The following RSPO2 variants were observed in gnomAD, a reference collection of about 807,000 sequenced individuals.
RSPO2 encodes R-spondin 2.
In RSPO2, 14 loss-of-function variants were observed where a neutral mutation model predicts 30.9. That is an observed-to-expected ratio of 0.45 (90% CI 0.30 to 0.71). RSPO2 has a LOEUF of 0.71. Among genes scored for constraint, RSPO2 ranks in the 30% least tolerant of loss-of-function variants. The probability of loss-of-function intolerance (pLI) is 0.08; values close to 1 mark genes in which losing one functional copy is unlikely to be tolerated. For synonymous variants in RSPO2, 107 were observed against 96.4 expected (o/e 1.11, Z -0.64); for missense variants, 264 against 301.9 (o/e 0.87, Z 0.93).
chr8:108,033,184 A>G (rs1296930898), intron 2 of RSPO2, among the ~76,000 whole-genome samples: 1 of 152,074 alleles, frequency 6.6e-6, no homozygotes, highest in Non-Finnish European at 1.5e-5. Flanking sequence ...TACAAGTGTA[A>G]GCCACCGTGC....
At chr8:108,000,802 T>C (rs991748392) in intron 2 of RSPO2, among the ~76,000 whole-genome samples, 37 of 152,070 alleles carry the variant, frequency 2.4e-4, no homozygotes, top group African/African-American at 8.2e-4. Context: ...GAGATTGAGA[T>C]GATCCTGGCT....
At chr8:107,973,221 G>C (rs1383591771) in intron 3 of RSPO2, among the ~76,000 whole-genome samples, 1 of 150,428 alleles carries the variant, frequency 6.6e-6, no homozygotes, top group Admixed American at 6.6e-5. Flanking sequence ...AGTGAGCCGA[G>C]ATCACGCCAC....
Position 108,083,207 on chromosome 8 carries a change from T to A in RSPO2, c.-180A>T, listed in dbSNP as rs879938778. 2.0e-5 allele frequency: 3 copies of A among 152,246 alleles called. No homozygotes were observed. The highest frequency in any genetic ancestry group is 6.5e-5 in the Admixed American group (1 of 15,282). 9.4% of individuals were successfully genotyped at this position (152,246 alleles called of 1,614,324 possible). A position where few individuals can be genotyped will look rare whatever the true frequency, so the allele number is the denominator to read the frequency against. ...GTGTGGGTTGCCTACCGTGCGCACGTCTCGGGCGGCGCGGCCTCCCTAGGC... is the reference window on the plus strand; with the variant it reads ...GTGTGGGTTGCCTACCGTGCGCACGACTCGGGCGGCGCGGCCTCCCTAGGC... On this transcript the variant is annotated 5_prime_UTR_variant, in exon 1 of 6. Transcript: ENST00000276659.
At chr8:107,948,100 C>G (rs1451992435) in intron 5 of RSPO2, among the ~76,000 whole-genome samples, 2 of 152,232 alleles carry the variant, frequency 1.3e-5, no homozygotes, top group Non-Finnish European at 2.9e-5. Context: ...GAGCCTGTAA[C>G]AATGTCATCT....
chr8:107,975,684 C>A (rs940714287), intron 3 of RSPO2, among the ~76,000 whole-genome samples: 24 of 152,216 alleles, frequency 1.6e-4, no homozygotes, highest in African/African-American at 5.8e-4. Context: ...TTATGAGATG[C>A]CAAGGCCTTG....
intron 2 of RSPO2, among the ~76,000 whole-genome samples, chr8:107,991,235 G>A (rs942053834): frequency 3.4e-5 from 5 of 146,500 alleles, no homozygotes; most frequent in African/African-American, 7.8e-5. Flanking sequence ...CAACAGGAGT[G>A]AAACTCCATC....
rs545535341 is a variant in RSPO2 at position 107,948,156 on chromosome 8, T to C, written c.616+9924A>G. 2.6e-5 allele frequency among the ~76,000 whole-genome samples: 4 copies of C among 152,366 alleles called. No homozygotes were observed. The East Asian group carries it at 7.7e-4, about 29-fold the overall frequency. The stretch of plus-strand genomic sequence containing the variant: ...TAAAAATTAAGCTTTGCCTTTTATC[T>C]TTAATGTGCATTTTCTTATTCCGTA... On this transcript the variant is annotated intron_variant, in intron 5 of 5. Transcript: ENST00000276659.
chr8:108,081,164 A>C (rs1187594160), intron 2 of RSPO2, among the ~76,000 whole-genome samples: 2 of 152,126 alleles, frequency 1.3e-5, no homozygotes, highest in Non-Finnish European at 2.9e-5. Flanking sequence ...GCAGATACAG[A>C]GACAATTGAA....
rs997498795 is a variant in RSPO2, at chr8:108,057,297, G to C, written c.94+25248C>G. ...ACTTTCAAAACTTTATATTTATGTA[G>C]AAGGGAAAAACATCTGGAAGGATAA... On this transcript the variant is annotated intron_variant, in intron 2 of 5. Coordinates refer to ENST00000276659, the MANE Select transcript of RSPO2 (RefSeq NM_178565.5). 3.3e-5 allele frequency among the ~76,000 whole-genome samples: 5 copies of C among 152,024 alleles called. No individual in the cohort carries two copies. In the Middle Eastern group the frequency reaches 0.017, roughly 517 times the overall value.
chr8:108,047,683 A>G (rs1400721967), intron 2 of RSPO2, among the ~76,000 whole-genome samples: 2 of 152,054 alleles, frequency 1.3e-5, no homozygotes, highest in African/African-American at 4.8e-5. Flanking sequence ...CCCCGTCTCT[A>G]TTAAAAATAT....
At chr8:107,912,093 G>A (rs917818985) in intron 5 of RSPO2, among the ~76,000 whole-genome samples, 6 of 152,110 alleles carry the variant, frequency 3.9e-5, no homozygotes, top group Non-Finnish European at 7.4e-5. Flanking sequence ...TATCAACAGT[G>A]TGCTTATGGC....
chr8:108,012,736 A>G (rs768685416), intron 2 of RSPO2, among the ~76,000 whole-genome samples: 2 of 152,232 alleles, frequency 1.3e-5, no homozygotes, highest in Non-Finnish European at 2.9e-5. Flanking sequence ...AAGAAGTATC[A>G]CTATAGTCAA....
intron 2 of RSPO2, among the ~76,000 whole-genome samples, chr8:108,063,610 G>C (rs567307898): frequency 6.6e-6 from 1 of 151,730 alleles, no homozygotes; most frequent in Non-Finnish European, 1.5e-5. Context: ...TACTGCCCAA[G>C]GTAATTTATA....
At chr8:107,944,242 C>G (rs1201154210) in intron 5 of RSPO2, among the ~76,000 whole-genome samples, 2 of 152,038 alleles carry the variant, frequency 1.3e-5, no homozygotes, top group Non-Finnish European at 2.9e-5. Context: ...TGAAAATTTT[C>G]TCGTAGGACT....
intron 2 of RSPO2, among the ~76,000 whole-genome samples, chr8:108,035,407 G>C (rs191639937): frequency 2.0e-5 from 3 of 152,168 alleles, no homozygotes; most frequent in Non-Finnish European, 4.4e-5. Context: ...CAAATTTATA[G>C]TGACTGTTGA....
At chr8:107,903,315 A>G (rs1811536860) in intron 5 of RSPO2, among the ~76,000 whole-genome samples, 1 of 152,124 alleles carries the variant, frequency 6.6e-6, no homozygotes, top group South Asian at 2.1e-4. Context: ...TATATGTTAA[A>G]GAATATATGT....
chr8:108,049,593 C>A (rs185945770), intron 2 of RSPO2, among the ~76,000 whole-genome samples: 2 of 151,894 alleles, frequency 1.3e-5, no homozygotes, highest in Non-Finnish European at 1.5e-5. Flanking sequence ...GATGTTCCCC[C>A]CTTCCTGTGT....
intron 2 of RSPO2, among the ~76,000 whole-genome samples, chr8:108,046,293 G>A (rs1266575722): frequency 1.3e-5 from 2 of 152,044 alleles, no homozygotes; most frequent in Admixed American, 1.3e-4. Context: ...ATAATATCTG[G>A]GGTTTGATTG....
chr8:107,946,608 A>G (rs760903696), intron 5 of RSPO2, among the ~76,000 whole-genome samples: 1 of 152,234 alleles, frequency 6.6e-6, no homozygotes, highest in Non-Finnish European at 1.5e-5. Flanking sequence ...CAGGCCAGCT[A>G]TAAGAAAGAT....
Sources: gnomAD v4.1 joint callset for allele counts (sites outside exome capture counted in the v4.1 genomes callset) on GRCh38, gnomAD v4.1.1 for gene constraint, MANE v1.5 for transcripts, NCBI Gene and HGNC (gene_info 2026-07-23, HGNC 2026-07-21) for gene names.